COPA: variants seen among roughly 807,000 people sequenced by gnomAD.
The protein encoded by COPA is coatomer subunit alpha.
A neutral mutation model predicts 158.7 loss-of-function variants in COPA; 10 were observed. The observed-to-expected ratio is 0.06, with a 90% confidence interval of 0.04 to 0.11. The LOEUF (loss-of-function observed/expected upper bound fraction) is 0.11, where lower values mean the gene tolerates loss of function less well. Ranked by LOEUF, COPA falls within the 10% of genes least tolerant of loss-of-function variation. The pLI is 1.00. For synonymous variants in COPA, 462 were observed against 542.8 expected (o/e 0.85, Z 2.07); for missense variants, 1,065 against 1,536.7 (o/e 0.69, Z 5.13).
chr1:160,343,110 C>G, intron 1 of COPA, 21 bp downstream of exon 1: 2 of 1,614,084 alleles, frequency 1.2e-6, no homozygotes, highest in Non-Finnish European at 1.7e-6. Flanking sequence ...CCTCCATGTT[C>G]CCCCTTTTAT....
chr1:160,298,732 C>A, intron 19 of COPA, 113 bp downstream of exon 19: 1 of 1,383,038 alleles, frequency 7.2e-7, no homozygotes, highest in South Asian at 1.5e-5. Context: ...AAAAAAAATC[C>A]CAAATTTCAT....
chr1:160,306,634 G>T, intron 14 of COPA, 141 bp from the exon 15 acceptor site: 1 of 1,003,936 alleles, frequency 1.0e-6, no homozygotes, highest in Non-Finnish European at 1.5e-6. Context: ...TACCACTGCA[G>T]ACAGACCATG....
intron 6 of COPA, among the ~76,000 whole-genome samples, chr1:160,330,094 A>G (rs1281577703): frequency 6.6e-6 from 1 of 152,050 alleles, no homozygotes; most frequent in Non-Finnish European, 1.5e-5. Flanking sequence ...CAGCCTGGGT[A>G]ACAGTGAGAC....
In COPA at chr1:160,334,704, T is replaced by G. The variant is rs369699450; in HGVS notation, c.309+538A>C. On this transcript the variant is annotated intron_variant, in intron 4 of 32. Coordinates refer to ENST00000241704, the MANE Select transcript of COPA (RefSeq NM_004371.4). ...AGATCCTGTCAGGGTGCAACTGGAT[T>G]CAGAGGTTGGGAGTCTGTAATCTGC... 3.3e-4 allele frequency among the ~76,000 whole-genome samples: 51 copies of G among 152,322 alleles called. 1 individual carries two copies. In the South Asian group the frequency reaches 7.3e-3, roughly 22 times the overall value.
intron 17 of COPA, among the ~76,000 whole-genome samples, chr1:160,302,372 T>C (rs1166414996): frequency 6.6e-6 from 1 of 152,008 alleles, no homozygotes; most frequent in Non-Finnish European, 1.5e-5. Context: ...TAAAACTTTA[T>C]TGAAGGATGT....
At chr1:160,343,099 A>G (rs756636290) in intron 1 of COPA, 32 bp downstream of exon 1, 5 of 1,613,218 alleles carry the variant, frequency 3.1e-6, no homozygotes, top group African/African-American at 2.7e-5. Context: ...CTGACATCCA[A>G]CCTCCATGTT....
chr1:160,290,375 G>A (rs2101818084), intron 32 of COPA, 117 bp downstream of exon 32: 1 of 1,391,216 alleles, frequency 7.2e-7, no homozygotes, highest in South Asian at 1.3e-5. Context: ...GCTTTCTCCA[G>A]TGTCACTGCC....
rs1257116994 is a variant in COPA at position 160,305,576 on chromosome 1, A to G, written c.1529-5T>C. The G allele has an allele frequency of 6.2e-7, 1 of 1,614,208 alleles. No individual in the cohort carries two copies. Among genetic ancestry groups the G allele is most frequent in the South Asian group, 1.1e-5 (1 of 91,074 alleles). On this transcript the variant is annotated splice_polypyrimidine_tract_variant and splice_region_variant and intron_variant, in intron 16 of 32. Coordinates refer to ENST00000241704, the MANE Select transcript of COPA (RefSeq NM_004371.4). The stretch of plus-strand genomic sequence containing the variant: ...TGCGGTTACAGATCACAATGGCTGT[A>G]AGAGGCAAAGGGCATGAGTGTTCTG...
In COPA at chr1:160,323,494, G is replaced by C. The variant is rs759218973; in HGVS notation, c.643C>G (p.Pro215Ala). 6.2e-7 allele frequency: 1 copy of C among 1,610,850 alleles called. No homozygotes were observed. Among genetic ancestry groups the C allele is most frequent in the Admixed American group, 1.7e-5 (1 of 59,804 alleles). ...DRGVNWAAFH[P>A]TMPLIVSGAD... ...CCAGATACAATAAGGGGCATAGTGG[G>C]GTGGAAGGCAGCCCAGTTTACTCCA... Residue 215 changes from proline to alanine, a missense_variant, in exon 8 of 33, where the codon CCC (proline) becomes GCC (alanine). Pro to Ala is a conservative substitution (Grantham distance 27). Transcript: ENST00000241704.
chr1:160,302,075 A>C (rs1658625311), intron 17 of COPA, among the ~76,000 whole-genome samples: 1 of 152,122 alleles, frequency 6.6e-6, no homozygotes, highest in Non-Finnish European at 1.5e-5. Context: ...GTAATATATA[A>C]GTACTTGAAA....
At chr1:160,299,777 T>C (rs1658539339) in intron 17 of COPA, among the ~76,000 whole-genome samples, 1 of 152,228 alleles carries the variant, frequency 6.6e-6, no homozygotes, top group Non-Finnish European at 1.5e-5. Flanking sequence ...TCTACATGCA[T>C]ATATTAGGAG....
intron 23 of COPA, 97 bp downstream of exon 23, chr1:160,295,639 A>G: frequency 7.9e-7 from 1 of 1,270,894 alleles, no homozygotes; most frequent in Non-Finnish European, 1.1e-6. Flanking sequence ...TCCATGCAGA[A>G]AAAAAGGACA....
chr1:160,290,146 C>T lies in COPA; in HGVS notation c.*11G>A. ...ACATATGGTGACTGACCCATGCACA[C>T]AAAGGGGGCCTTAGCGAAACTGCAG... On this transcript the variant is annotated 3_prime_UTR_variant, in exon 33 of 33. Transcript: ENST00000241704. 1 of 1,613,896 alleles carries T rather than the reference C, an allele frequency of 6.2e-7. No homozygotes were observed. The highest frequency in any genetic ancestry group is 8.5e-7 in the Non-Finnish European group (1 of 1,179,816).
At chr1:160,324,457 ATTTTTT>A (rs36119799) in intron 7 of COPA, among the ~76,000 whole-genome samples, 1 of 131,918 alleles carries the variant, frequency 7.6e-6, no homozygotes, top group Non-Finnish European at 1.6e-5. Flanking sequence ...CGCCCAGCTA[ATTTTTT>A]TTTTTTTTTT....
intron 19 of COPA, among the ~76,000 whole-genome samples, chr1:160,298,487 A>G (rs1234650247): frequency 6.6e-6 from 1 of 152,236 alleles, no homozygotes. Flanking sequence ...ATGCCTATAC[A>G]TTCTAGGCCC....
intron 3 of COPA, among the ~76,000 whole-genome samples, chr1:160,336,935 G>A (rs930183636): frequency 1.3e-5 from 2 of 152,064 alleles, no homozygotes; most frequent in Non-Finnish European, 2.9e-5. Flanking sequence ...CTAACACAGT[G>A]CCTGACATTA....
chr1:160,302,840 G>A (rs1658661728), intron 17 of COPA, among the ~76,000 whole-genome samples: 1 of 151,950 alleles, frequency 6.6e-6, no homozygotes, highest in South Asian at 2.1e-4. Context: ...AGGCGTGAGC[G>A]ACCGTGCTGG....
intron 31 of COPA, among the ~76,000 whole-genome samples, chr1:160,290,911 C>T (rs7412282): frequency 0.042 from 6,412 of 152,222 alleles, 434 homozygotes; most frequent in African/African-American, 0.15. Context: ...AATCTAGACC[C>T]ACATTCCTCC....
chr1:160,325,440 G>A, intron 7 of COPA, 103 bp downstream of exon 7: 2 of 974,710 alleles, frequency 2.1e-6, no homozygotes, highest in Non-Finnish European at 3.3e-6. Flanking sequence ...CACTTAATAA[G>A]CACTCTGTAA....
Sources: allele counts gnomAD v4.1 joint callset (sites outside exome capture counted in the v4.1 genomes callset), GRCh38; gene constraint gnomAD v4.1.1; transcripts MANE v1.5; gene names NCBI Gene and HGNC (gene_info 2026-07-23, HGNC 2026-07-21).